Variants in MACROD2 observed in about 807,000 individuals in gnomAD.
The protein encoded by MACROD2 is ADP-ribose glycohydrolase MACROD2.
A neutral mutation model predicts 70.4 loss-of-function variants in MACROD2; 36 were observed. The observed-to-expected ratio is 0.51, with a 90% CI of 0.39 to 0.68. MACROD2 has a LOEUF of 0.68. Ranked by LOEUF, MACROD2 falls within the 30% of genes least tolerant of loss-of-function variation. MACROD2 has a pLI of 0.00. For synonymous variants in MACROD2, 172 were observed against 178.8 expected, an observed-to-expected ratio of 0.96 and a Z score of 0.30; for missense variants, 496 against 538.4, an observed-to-expected ratio of 0.92 and a Z score of 0.78.
intron 3 of MACROD2, among the ~76,000 whole-genome samples, chr20:14,153,885 G>T (rs927489205): frequency 6.6e-6 from 1 of 152,202 alleles, no homozygotes; most frequent in Non-Finnish European, 1.5e-5. Flanking sequence ...CAGAAAGGAA[G>T]AAGACTCCTC....
At chr20:15,322,527 A>G (rs144128072) in intron 6 of MACROD2, among the ~76,000 whole-genome samples, 3 of 144,496 alleles carry the variant, frequency 2.1e-5, no homozygotes, top group African/African-American at 7.4e-5. Flanking sequence ...GTGCCAAGGT[A>G]GTTAAGTGAA....
chr20:15,221,244 A>G (rs2076858792), intron 5 of MACROD2, among the ~76,000 whole-genome samples: 1 of 152,190 alleles, frequency 6.6e-6, no homozygotes, highest in East Asian at 1.9e-4. Context: ...AGATCTTATT[A>G]TCATCTTCCT....
At chr20:14,535,942 G>A (rs1234894573) in intron 4 of MACROD2, among the ~76,000 whole-genome samples, 1 of 152,070 alleles carries the variant, frequency 6.6e-6, no homozygotes, top group African/African-American at 2.4e-5. Flanking sequence ...ATGGAGAATT[G>A]TTTACTTATT....
At chr20:14,860,013 T>G (rs1422161602) in intron 5 of MACROD2, among the ~76,000 whole-genome samples, 1 of 152,186 alleles carries the variant, frequency 6.6e-6, no homozygotes, top group African/African-American at 2.4e-5. Context: ...GGTCATACAT[T>G]GACCCTCTGT....
chr20:15,574,481 A>G (rs886538902), intron 8 of MACROD2, among the ~76,000 whole-genome samples: 1 of 152,162 alleles, frequency 6.6e-6, no homozygotes, highest in Non-Finnish European at 1.5e-5. Flanking sequence ...TATATGAAGA[A>G]TGTAGACAAG....
intron 8 of MACROD2, among the ~76,000 whole-genome samples, chr20:15,620,392 G>T (rs1368569388): frequency 1.3e-5 from 2 of 152,078 alleles, no homozygotes; most frequent in African/African-American, 4.8e-5. Flanking sequence ...TGGATATTTA[G>T]ATCATTGGAG....
At chr20:16,023,299 C>A (rs1211526807) in intron 15 of MACROD2, among the ~76,000 whole-genome samples, 3 of 151,568 alleles carry the variant, frequency 2.0e-5, no homozygotes, top group African/African-American at 7.3e-5. Context: ...CACGGTGAAA[C>A]CCCGTCTCTA....
intron 5 of MACROD2, among the ~76,000 whole-genome samples, chr20:15,065,688 G>GTTTTAT (rs1459817206): frequency 6.6e-6 from 1 of 151,426 alleles, no homozygotes; most frequent in Non-Finnish European, 1.5e-5. Flanking sequence ...GTAATTTACA[G>GTTTTAT]TTTTATTTTC....
chr20:15,812,512 C>G (rs1381394574), intron 8 of MACROD2, among the ~76,000 whole-genome samples: 1 of 151,866 alleles, frequency 6.6e-6, no homozygotes, highest in African/African-American at 2.4e-5. Flanking sequence ...TAAGATATTT[C>G]TCCCCCTTGA....
chr20:15,541,718 C>G (rs1249906325), intron 8 of MACROD2, among the ~76,000 whole-genome samples: 1 of 152,124 alleles, frequency 6.6e-6, no homozygotes, highest in East Asian at 1.9e-4. Context: ...ATATGCATAA[C>G]TCCTTATTGC....
At chr20:15,580,450 T>C (rs962607976) in intron 8 of MACROD2, among the ~76,000 whole-genome samples, 1 of 152,172 alleles carries the variant, frequency 6.6e-6, no homozygotes, top group African/African-American at 2.4e-5. Flanking sequence ...GCAAAAGTCC[T>C]CAGAGAATTA....
Position 15,860,852 on chromosome 20 carries a change from G to A in MACROD2, c.646-1893G>A, listed in dbSNP as rs139723107. On this transcript the variant is annotated intron_variant, in intron 8 of 17. Transcript: ENST00000684519. ...TTTGGAATGTTTTTGAGCAGACAGC[G>A]ATTCATGAATTGGGCAGCTCCAAAT... 9.9e-5 allele frequency among the ~76,000 whole-genome samples: 15 copies of A among 152,238 alleles called. No homozygotes were observed. The East Asian group carries it at 1.5e-3, about 16-fold the overall frequency.
At position 14,371,825 on chromosome 20, in the gene MACROD2, T is replaced by G. The variant is rs931620746; in HGVS notation, c.272-121654T>G. ...TCCATGATTGCTCTTTTCTTTTCTT[T>G]TCTTTTTTTTTGAAGAATGGGAATG... On this transcript the variant is annotated intron_variant, in intron 3 of 17. Coordinates refer to ENST00000684519, the MANE Select transcript of MACROD2 (RefSeq NM_001351661.2). 2.6e-5 allele frequency among the ~76,000 whole-genome samples: 4 copies of G among 152,140 alleles called. No homozygotes were observed. The East Asian group carries it at 7.7e-4, about 29-fold the overall frequency.
At chr20:14,672,633 A>G (rs1436893441) in intron 4 of MACROD2, among the ~76,000 whole-genome samples, 2 of 152,314 alleles carry the variant, frequency 1.3e-5, no homozygotes, top group Admixed American at 1.3e-4. Flanking sequence ...TGTACATGTT[A>G]TCTCATTCAA....
chr20:14,505,332 GATA>G (rs1014140304), intron 4 of MACROD2, among the ~76,000 whole-genome samples: 1 of 152,160 alleles, frequency 6.6e-6, no homozygotes, highest in African/African-American at 2.4e-5. Flanking sequence ...AGTATATCTG[GATA>G]ATATTTAGAT....
chr20:14,665,286 C>A (rs1322741629), intron 4 of MACROD2, among the ~76,000 whole-genome samples: 1 of 151,124 alleles, frequency 6.6e-6, no homozygotes, highest in Admixed American at 6.6e-5. Flanking sequence ...CCAGAATTAA[C>A]TGGTCAAGAG....
At chr20:14,079,168 G>T (rs1196523032) in intron 2 of MACROD2, among the ~76,000 whole-genome samples, 2 of 152,220 alleles carry the variant, frequency 1.3e-5, no homozygotes, top group African/African-American at 4.8e-5. Flanking sequence ...TCCATAATCA[G>T]CTTATAAGCC....
At chr20:14,757,649 A>G (rs2071958626) in intron 5 of MACROD2, 3 of 1,249,378 alleles carry the variant, frequency 2.4e-6, no homozygotes, top group South Asian at 2.4e-5. Flanking sequence ...CCACATGCCT[A>G]AGCACCTGGA....
At chr20:15,878,039 A>T (rs1044336630) in intron 9 of MACROD2, among the ~76,000 whole-genome samples, 1 of 151,724 alleles carries the variant, frequency 6.6e-6, no homozygotes, top group Non-Finnish European at 1.5e-5. Context: ...TCCTTTTCTC[A>T]TGCCACCCAC....
Sources: allele counts gnomAD v4.1 joint callset (sites outside exome capture counted in the v4.1 genomes callset), GRCh38; gene constraint gnomAD v4.1.1; transcripts MANE v1.5; gene names NCBI Gene and HGNC (gene_info 2026-07-23, HGNC 2026-07-21).